Variants in CCDC91 observed in about 807,000 individuals in gnomAD.
CCDC91 encodes the protein coiled-coil domain-containing protein 91.
CCDC91 carries 48 observed loss-of-function variants against 63.2 expected under a neutral mutation model. The observed-to-expected ratio is 0.76, with a 90% confidence interval of 0.60 to 0.97. The LOEUF (loss-of-function observed/expected upper bound fraction) is 0.97. Among genes scored for constraint, CCDC91 ranks in the 50% least tolerant of loss-of-function variants. CCDC91 has a pLI of 0.00. For synonymous variants in CCDC91, 167 were observed against 165.8 expected (o/e 1.01, Z -0.06); for missense variants, 500 against 494.6 (o/e 1.01, Z -0.10).
Position 28,400,268 on chromosome 12 carries a change from C to T in CCDC91, c.762+8857C>T, listed in dbSNP as rs534321040. Reference sequence around the variant, plus strand: ...TTCTGAAGCAATAGCATGAGCTGTACGTTGGCCCCTTTTAGTCATGGCTGG... The same window carrying T: ...TTCTGAAGCAATAGCATGAGCTGTATGTTGGCCCCTTTTAGTCATGGCTGG... On this transcript the variant is annotated intron_variant, in intron 8 of 12. Transcript: ENST00000536442. 1.7e-4 allele frequency among the ~76,000 whole-genome samples: 26 copies of T among 152,262 alleles called. No homozygotes were observed. In the South Asian group the frequency reaches 5.4e-3, roughly 32 times the overall value.
At chr12:28,269,597 G>A (rs1486876199) in intron 3 of CCDC91, among the ~76,000 whole-genome samples, 2 of 152,036 alleles carry the variant, frequency 1.3e-5, no homozygotes, top group Non-Finnish European at 2.9e-5. Context: ...CACCAGAGAG[G>A]GCTGGGACAC....
Position 28,305,717 on chromosome 12 carries a change from G to C in CCDC91, c.178G>C (p.Gly60Arg). ...VLDRDHSSSI[G>R]CLSSDAIISS... ...GGACCGTGACCACTCTTCTTCCATT[G>C]GCTGCCTCTCTTCTGATGCCATTAT... The change falls in exon 4 of 13, where the codon GGC becomes CGC. Residue 60 changes from glycine to arginine, a missense_variant. Physicochemically the swap from Gly to Arg is moderately radical, Grantham distance 125. Coordinates refer to ENST00000536442, the MANE Select transcript of CCDC91 (RefSeq NM_018318.5). The C allele has an allele frequency of 6.2e-7, 1 of 1,612,948 alleles. No homozygotes were observed. The highest frequency in any genetic ancestry group is 8.5e-7 in the Non-Finnish European group (1 of 1,179,414).
chr12:28,444,359 A>C (rs747828506), intron 8 of CCDC91, among the ~76,000 whole-genome samples: 4 of 152,178 alleles, frequency 2.6e-5, no homozygotes, highest in Non-Finnish European at 5.9e-5. Flanking sequence ...GATTATATGA[A>C]TGTAATATTT....
At chr12:28,196,779 T>G (rs866862473) in intron 1 of CCDC91, among the ~76,000 whole-genome samples, 57 of 152,236 alleles carry the variant, frequency 3.7e-4, no homozygotes, top group African/African-American at 1.3e-3. Context: ...AGGTAACTGC[T>G]GCAAACATTG....
At chr12:28,499,679 C>CT (rs1052646819) in intron 12 of CCDC91, among the ~76,000 whole-genome samples, 1 of 151,930 alleles carries the variant, frequency 6.6e-6, no homozygotes, top group African/African-American at 2.4e-5. Context: ...TGAACTCATC[C>CT]TTTTTTATGG....
chr12:28,221,449 A>T (rs11049470), intron 1 of CCDC91, among the ~76,000 whole-genome samples: 31,288 of 152,046 alleles, frequency 0.21, 4,217 homozygotes, highest in Non-Finnish European at 0.31. Flanking sequence ...TTTCTTTATT[A>T]GATCTCAGGC....
At chr12:28,447,896 A>G (rs887115474) in intron 8 of CCDC91, among the ~76,000 whole-genome samples, 1 of 149,550 alleles carries the variant, frequency 6.7e-6, no homozygotes, top group African/African-American at 2.5e-5. Context: ...ATCTTTCTGA[A>G]TCATTTGTCC....
At chr12:28,368,634 G>A (rs557358332) in intron 7 of CCDC91, among the ~76,000 whole-genome samples, 11 of 152,010 alleles carry the variant, frequency 7.2e-5, no homozygotes, top group Non-Finnish European at 1.3e-4. Flanking sequence ...TGGATATTTT[G>A]TTAGTTACAT....
At chr12:28,307,867 T>C (rs775236669) in intron 6 of CCDC91, 118 bp downstream of exon 6, 4 of 636,704 alleles carry the variant, frequency 6.3e-6, no homozygotes, top group Non-Finnish European at 8.3e-6. Context: ...TGCTTAAATA[T>C]ATAAAACTGA....
At chr12:28,415,515 C>T (rs1289760855) in intron 8 of CCDC91, among the ~76,000 whole-genome samples, 2 of 152,046 alleles carry the variant, frequency 1.3e-5, no homozygotes, top group South Asian at 4.1e-4. Context: ...CCACTGTGCC[C>T]GGCTGTAAAG....
intron 8 of CCDC91, among the ~76,000 whole-genome samples, chr12:28,402,520 ATTTTTTTTTTTTTT>A (rs57398967): frequency 1.9e-5 from 1 of 51,926 alleles, no homozygotes. Flanking sequence ...AGTTCCAGGA[ATTTTTTTTTTTTTT>A]TTTTTTTTTT....
intron 7 of CCDC91, among the ~76,000 whole-genome samples, chr12:28,381,348 T>G (rs1204968608): frequency 2.0e-5 from 3 of 152,180 alleles, no homozygotes; most frequent in Non-Finnish European, 2.9e-5. Context: ...AAGGATAAAT[T>G]AATAGGGGAT....
intron 8 of CCDC91, among the ~76,000 whole-genome samples, chr12:28,428,647 G>C (rs568791055): frequency 1.9e-4 from 28 of 150,724 alleles, no homozygotes; most frequent in Non-Finnish European, 4.0e-4. Flanking sequence ...CTTGCATATG[G>C]AAGAGTAAGG....
rs185955546 is a variant in CCDC91 at position 28,303,672 on chromosome 12, A to G, written c.110-1977A>G. 2.7e-3 allele frequency among the ~76,000 whole-genome samples: 412 copies of G among 152,308 alleles called. 2 individuals carry two copies. The highest frequency in any genetic ancestry group is 0.01 in the Middle Eastern group (3 of 294). The stretch of plus-strand genomic sequence containing the variant: ...ATGATAATCTTTGAAATAATAAAAT[A>G]TCAACACTTTACTAAATGCTTTACA... On this transcript the variant is annotated intron_variant, in intron 3 of 12. Coordinates refer to ENST00000536442, the MANE Select transcript of CCDC91 (RefSeq NM_018318.5).
chr12:28,342,166 CTG>C (rs1942474405), intron 6 of CCDC91, among the ~76,000 whole-genome samples: 1 of 152,212 alleles, frequency 6.6e-6, no homozygotes, highest in South Asian at 2.1e-4. Flanking sequence ...GATGCAGAAA[CTG>C]TGTGCAAAGA....
intron 11 of CCDC91, among the ~76,000 whole-genome samples, chr12:28,465,451 C>G (rs1224806455): frequency 6.6e-6 from 1 of 152,126 alleles, no homozygotes; most frequent in Non-Finnish European, 1.5e-5. Flanking sequence ...GTGGTGGCCC[C>G]AGCTCTAGTT....
chr12:28,241,178 TC>T (rs1360799044), intron 1 of CCDC91, among the ~76,000 whole-genome samples: 7 of 152,328 alleles, frequency 4.6e-5, no homozygotes, highest in South Asian at 2.1e-4. Context: ...TTAGTTGCTA[TC>T]CCCTTTGTAT....
At chr12:28,511,192 A>G (rs1939337278) in intron 12 of CCDC91, among the ~76,000 whole-genome samples, 1 of 151,796 alleles carries the variant, frequency 6.6e-6, no homozygotes, top group Admixed American at 6.6e-5. Flanking sequence ...ACTGTGTCAC[A>G]AGACCAAGCT....
intron 6 of CCDC91, among the ~76,000 whole-genome samples, chr12:28,355,945 T>C (rs1943495293): frequency 6.6e-6 from 1 of 152,302 alleles, no homozygotes. Flanking sequence ...CATTTTAGTA[T>C]TGGAGATAGA....
Sources: gnomAD v4.1 joint callset for allele counts (sites outside exome capture counted in the v4.1 genomes callset) on GRCh38, gnomAD v4.1.1 for gene constraint, MANE v1.5 for transcripts, NCBI Gene and HGNC (gene_info 2026-07-23, HGNC 2026-07-21) for gene names.